The following MYSM1 variants were observed in gnomAD, a reference collection of about 807,000 sequenced individuals.
MYSM1 encodes the protein deubiquitinase MYSM1.
Under a neutral mutation model 116.0 loss-of-function variants are expected in MYSM1, and 51 were observed. The observed-to-expected ratio is 0.44, with a 90% confidence interval of 0.35 to 0.56. The LOEUF is 0.56. MYSM1 is among the 20% of genes least tolerant of loss of function. The pLI, the probability that MYSM1 is intolerant of heterozygous loss-of-function variation, is 0.00. For missense variants in MYSM1, 900 were observed against 974.9 expected, an observed-to-expected ratio of 0.92 and a Z score of 1.02; for synonymous variants, 313 against 315.2, an observed-to-expected ratio of 0.99 and a Z score of 0.07.
At chr1:58,697,885 A>G (rs2100688978) in intron 1 of MYSM1, among the ~76,000 whole-genome samples, 1 of 150,730 alleles carries the variant, frequency 6.6e-6, no homozygotes, top group African/African-American at 2.4e-5. Flanking sequence ...CACCGCACCC[A>G]GCCAACCCAA....
At chr1:58,679,951 T>G (rs1644713177) in intron 8 of MYSM1, among the ~76,000 whole-genome samples, 1 of 147,838 alleles carries the variant, frequency 6.8e-6, no homozygotes. Flanking sequence ...CACTTGAACC[T>G]GGGAGACAGA....
chr1:58,661,379 G>T, intron 18 of MYSM1, 27 bp downstream of exon 18: 1 of 1,398,000 alleles, frequency 7.2e-7, no homozygotes, highest in Non-Finnish European at 1.0e-6. Context: ...CTGCAGATGT[G>T]CAACCATCTC....
Position 58,659,951 on chromosome 1 carries a change from G to A in MYSM1, c.*46C>T, listed in dbSNP as rs765849700. On this transcript the variant is annotated 3_prime_UTR_variant, in exon 20 of 20. Transcript: ENST00000472487. ...TCACTTCAAGTTTATAACTTTGAAA[G>A]TAAGATCTACTGTGTCAAGATTAAA... 1.6e-6 allele frequency: 2 copies of A among 1,220,234 alleles called. No homozygotes were observed. Among genetic ancestry groups the A allele is most frequent in the Non-Finnish European group, 2.2e-6 (2 of 915,000 alleles). The allele number at this position is 1,220,234 out of a possible 1,614,324, so 75.6% of individuals were successfully genotyped here.
chr1:58,669,073 A>C, intron 12 of MYSM1, 35 bp from the exon 13 acceptor site: 1 of 1,408,594 alleles, frequency 7.1e-7, no homozygotes, highest in Non-Finnish European at 9.8e-7. Flanking sequence ...TACAATCTCA[A>C]CAAGATTAGG....
chr1:58,663,972 A>C (rs232784), intron 17 of MYSM1, among the ~76,000 whole-genome samples: 133,938 of 152,188 alleles, frequency 0.88, 58,928 homozygotes, highest in East Asian at 0.93. Context: ...CTTTGCTGCT[A>C]AATGTTGTGT....
intron 6 of MYSM1, among the ~76,000 whole-genome samples, chr1:58,688,534 T>TGTA (rs1644860556): frequency 6.6e-6 from 1 of 151,810 alleles, no homozygotes; most frequent in Non-Finnish European, 1.5e-5. Context: ...AACATTTAAA[T>TGTA]AGATTTCAGT....
Position 58,660,168 on chromosome 1 carries a change from A to C in MYSM1, c.2329-13T>G. On this transcript the variant is annotated splice_polypyrimidine_tract_variant and intron_variant, in intron 19 of 19. Transcript: ENST00000472487. ...TACACTCCAAAAGCTAGTTGAAAAG[A>C]AAAGTTTTATATTTAAATACAGAAA... is the stretch of plus-strand genomic sequence containing the variant. The C allele has an allele frequency of 6.6e-7, 1 of 1,504,386 alleles. No individual in the cohort carries two copies. The highest frequency in any genetic ancestry group is 1.4e-5 in the South Asian group (1 of 73,736). The allele number at this position is 1,504,386 out of a possible 1,614,324, so 93.2% of individuals were successfully genotyped here. A position where few individuals can be genotyped will look rare whatever the true frequency, so the allele number is the denominator to read the frequency against.
chr1:58,660,981 A>G (rs570991945), intron 19 of MYSM1, among the ~76,000 whole-genome samples, 189 bp downstream of exon 19: 1 of 152,216 alleles, frequency 6.6e-6, no homozygotes, highest in Admixed American at 6.6e-5. Flanking sequence ...AATTTTTTCT[A>G]TGTGCAAGCT....
chr1:58,671,301 T>C (rs1184164284), intron 12 of MYSM1, among the ~76,000 whole-genome samples: 1 of 152,186 alleles, frequency 6.6e-6, no homozygotes, highest in African/African-American at 2.4e-5. Flanking sequence ...TATTGTTTAA[T>C]AAATGAGAAC....
intron 3 of MYSM1, 144 bp from the exon 4 acceptor site, chr1:58,690,561 T>C: frequency 1.8e-6 from 1 of 547,954 alleles, no homozygotes; most frequent in Non-Finnish European, 3.1e-6. Flanking sequence ...ACAGCCTCCA[T>C]GTTTAAATCA....
intron 12 of MYSM1, 107 bp from the exon 13 acceptor site, chr1:58,669,145 T>A: frequency 2.7e-6 from 2 of 731,972 alleles, no homozygotes; most frequent in Non-Finnish European, 4.3e-6. Context: ...AAATTCTGTC[T>A]AAATGAGAGA....
intron 2 of MYSM1, 22 bp from the exon 3 acceptor site, chr1:58,692,953 T>G: frequency 6.4e-7 from 1 of 1,563,730 alleles, no homozygotes; most frequent in East Asian, 2.3e-5. Flanking sequence ...GAGAATATAT[T>G]TGTCTTTTTA....
chr1:58,696,853 T>TA (rs1644982090), intron 1 of MYSM1, among the ~76,000 whole-genome samples: 2 of 152,098 alleles, frequency 1.3e-5, no homozygotes, highest in South Asian at 4.1e-4. Context: ...ACAAGGTAGG[T>TA]AGGGCGTGGA....
intron 12 of MYSM1, among the ~76,000 whole-genome samples, chr1:58,669,863 CAAA>C (rs1644533995): frequency 1.1e-5 from 1 of 88,242 alleles, no homozygotes; most frequent in African/African-American, 4.2e-5. Context: ...AAAAAAAAAA[CAAA>C]AAAGTGAAAA....
At position 58,682,476 on chromosome 1, in the gene MYSM1, C is replaced by T. The variant is rs1210531714; in HGVS notation, c.568G>A (p.Asp190Asn). The T allele has an allele frequency of 1.2e-6, 2 of 1,613,946 alleles. No individual in the cohort carries two copies. Among genetic ancestry groups the T allele is most frequent in the East Asian group, 4.5e-5 (2 of 44,864 alleles). ...TGHNLQVKNE[D>N]KGTKAWTPSC... ...GGTGTCCATGCCTTTGTCCCTTTAT[C>T]TTCATTTTTAACTTGAAGATTATGG... Residue 190 changes from aspartate (D) to asparagine (N), a missense_variant, in exon 8 of 20, where the codon GAT (aspartate) becomes AAT (asparagine). Asp to Asn is a conservative substitution (Grantham distance 23). Coordinates refer to ENST00000472487, the MANE Select transcript of MYSM1 (RefSeq NM_001085487.3).
chr1:58,689,109 A>G lies in MYSM1; in HGVS notation c.328T>C (p.Ser110Pro), dbSNP rs774871950. 6.3e-6 allele frequency: 10 copies of G among 1,599,522 alleles called. No individual in the cohort carries two copies. Among genetic ancestry groups the G allele is most frequent in the Non-Finnish European group, 6.8e-6 (8 of 1,176,868 alleles). Residue 110 changes from serine to proline, a missense_variant, in exon 6 of 20, where the codon TCT becomes CCT. Ser to Pro is a moderately conservative substitution (Grantham distance 74, BLOSUM62 -1). Coordinates refer to ENST00000472487, the MANE Select transcript of MYSM1 (RefSeq NM_001085487.3). ...LQKTAKIMVH[S>P]PTKPASYSVK... ...GAGTAACTGGCTGGTTTTGTAGGAGAGTGTACCCTGAGGGGAAAAAAAGGA... is the reference window on the plus strand; with the variant it reads ...GAGTAACTGGCTGGTTTTGTAGGAGGGTGTACCCTGAGGGGAAAAAAAGGA...
chr1:58,684,442 G>A (rs986147629), intron 7 of MYSM1, among the ~76,000 whole-genome samples: 4 of 151,878 alleles, frequency 2.6e-5, no homozygotes, highest in Non-Finnish European at 5.9e-5. Flanking sequence ...GCGGGCACCT[G>A]TAGTCCCAGC....
At chr1:58,684,580 GAAAA>G (rs576829954) in intron 7 of MYSM1, among the ~76,000 whole-genome samples, 1 of 132,604 alleles carries the variant, frequency 7.5e-6, no homozygotes, top group Non-Finnish European at 1.6e-5. Context: ...AAAAAAAAAA[GAAAA>G]AAAAAAAATT....
In MYSM1 at chr1:58,665,573, C is replaced by T. The variant is rs770747091; in HGVS notation, c.2090G>A (p.Arg697Gln). Residue 697 changes from arginine to glutamine, a missense_variant, in exon 17 of 20, where the codon CGA becomes CAA. Physicochemically the swap from Arg to Gln is conservative, Grantham distance 43. Around this residue, in one of 3 missense-constraint regions of MYSM1, gnomAD observed 186 missense variants for 196.2 expected, o/e 0.95. Coordinates refer to ENST00000472487, the MANE Select transcript of MYSM1 (RefSeq NM_001085487.3). ...FIGMIVSPYN[R>Q]NNPLPYSQIT... ...CTGAGAATATGGTAAGGGATTATTTCGATTATAGGGACTAACAATCATCCC... is the reference window on the plus strand; with the variant it reads ...CTGAGAATATGGTAAGGGATTATTTTGATTATAGGGACTAACAATCATCCC... 33 of 1,593,202 alleles carry T rather than the reference C, an allele frequency of 2.1e-5. No individual in the cohort carries two copies. The highest frequency in any genetic ancestry group is 1.2e-4 in the South Asian group (11 of 90,468).
Sources: gnomAD v4.1 joint callset for allele counts (sites outside exome capture counted in the v4.1 genomes callset) on GRCh38, gnomAD v4.1.1 for gene constraint, gnomAD v4.1.1 regional missense constraint, MANE v1.5 for transcripts, NCBI Gene and HGNC (gene_info 2026-07-23, HGNC 2026-07-21) for gene names.